EIF2AK3: variants seen among roughly 807,000 people sequenced by gnomAD.
The protein encoded by EIF2AK3 is eukaryotic translation initiation factor 2-alpha kinase 3.
Under a neutral mutation model 113.5 loss-of-function variants are expected in EIF2AK3, and 50 were observed. The observed-to-expected ratio is 0.44, with a 90% confidence interval of 0.35 to 0.56. The LOEUF (loss-of-function observed/expected upper bound fraction) is 0.56. Ranked by LOEUF, EIF2AK3 falls within the 20% of genes least tolerant of loss-of-function variation. EIF2AK3 has a pLI of 0.00. For missense variants in EIF2AK3, 1,185 were observed against 1,378.0 expected, an observed-to-expected ratio of 0.86 and a Z score of 2.22; for synonymous variants, 448 against 495.4, an observed-to-expected ratio of 0.90 and a Z score of 1.27.
Position 88,564,012 on chromosome 2 carries a change from C to T in EIF2AK3, c.2986-1622G>A, listed in dbSNP as rs1463523863. Among the ~76,000 whole-genome samples, 25 of 151,940 alleles carry T rather than the reference C, an allele frequency of 1.6e-4. No individual in the cohort carries two copies. In the East Asian group the frequency reaches 4.0e-3, roughly 25 times the overall value. On this transcript the variant is annotated intron_variant, in intron 14 of 16. Transcript: ENST00000303236. ...TACTAAATTTATTTATTGTTTCTAA[C>T]GTGATTAAACATATTTAAAAAAAGA...
At chr2:88,571,681 G>A (rs1674313679) in intron 13 of EIF2AK3, among the ~76,000 whole-genome samples, 1 of 152,162 alleles carries the variant, frequency 6.6e-6, no homozygotes, top group South Asian at 2.1e-4. Context: ...CTCTATGGTA[G>A]CTAATTACTA....
At chr2:88,559,434 A>G (rs1306802215) in intron 15 of EIF2AK3, among the ~76,000 whole-genome samples, 1 of 152,132 alleles carries the variant, frequency 6.6e-6, no homozygotes, top group East Asian at 1.9e-4. Context: ...ACCATTTTAT[A>G]TAAGGGACTT....
chr2:88,570,677 T>C (rs1345346119), intron 14 of EIF2AK3, among the ~76,000 whole-genome samples, 197 bp downstream of exon 14: 1 of 152,214 alleles, frequency 6.6e-6, no homozygotes, highest in East Asian at 1.9e-4. Context: ...GTATTTTTCT[T>C]AATCCAGCCC....
At chr2:88,608,097 G>T (rs547458199) in intron 2 of EIF2AK3, among the ~76,000 whole-genome samples, 4 of 151,952 alleles carry the variant, frequency 2.6e-5, no homozygotes, top group Non-Finnish European at 5.9e-5. Flanking sequence ...AAGTACATGG[G>T]ATCCATAATC....
Position 88,583,485 on chromosome 2 carries a change from C to T in EIF2AK3, c.1708G>A (p.Gly570Ser). The change falls in exon 10 of 17, where the codon GGT (glycine) becomes AGT (serine). Residue 570 changes from glycine to serine, a missense_variant. Gly to Ser is a moderately conservative substitution (Grantham distance 56, BLOSUM62 0). This residue lies in a region of EIF2AK3 where 877 missense variants were observed against 1,024.2 expected (regional missense o/e 0.86). Coordinates refer to ENST00000303236, the MANE Select transcript of EIF2AK3 (RefSeq NM_004836.7). ...QTENKYDSVS[G>S]EANDSSWNDI... ...TTCCAGCTACTGTCATTGGCTTCAC[C>T]ACTTACAGAATCATATTTATTTTCA... 1 of 1,613,248 alleles carries T rather than the reference C, an allele frequency of 6.2e-7. No individual in the cohort carries two copies. The highest frequency in any genetic ancestry group is 8.5e-7 in the Non-Finnish European group (1 of 1,179,694).
rs1558642909 is a variant in EIF2AK3 at position 88,562,170 on chromosome 2, T to C, written c.3087+119A>G. On this transcript the variant is annotated intron_variant, in intron 15 of 16. Transcript: ENST00000303236. ...CTCTGTGTTACTCACATCACCTCTT[T>C]CACTTTTAGTTAACCAATCTGCTGG... is the stretch of plus-strand genomic sequence containing the variant. 21 of 777,756 alleles carry C rather than the reference T, an allele frequency of 2.7e-5. No individual in the cohort carries two copies. In the East Asian group the frequency reaches 5.3e-4, roughly 20 times the overall value. The allele number at this position is 777,756 out of a possible 1,614,324, so 48.2% of individuals were successfully genotyped here. A position where few individuals can be genotyped will look rare whatever the true frequency, so the allele number is the denominator to read the frequency against.
rs907999005 is a variant in EIF2AK3, at chr2:88,574,651, T to TCCA, written c.2817+12_2817+14dup. The stretch of plus-strand genomic sequence containing the variant: ...CAGATTGAAACCCCAAGGGTGATGC[T>TCCA]CCACAAATACAGACCTTGAGGTCCC... On this transcript the variant is annotated intron_variant, in intron 13 of 16. Coordinates refer to ENST00000303236, the MANE Select transcript of EIF2AK3 (RefSeq NM_004836.7). The TCCA allele has an allele frequency of 5.0e-6, 8 of 1,613,760 alleles. No homozygotes were observed. Among genetic ancestry groups the TCCA allele is most frequent in the Non-Finnish European group, 8.5e-7 (1 of 1,179,868 alleles).
rs756319874 is a variant in EIF2AK3 at position 88,558,956 on chromosome 2, G to C, written c.3111C>G (p.Leu1037=). Residue 1037 remains leucine (L), a synonymous_variant, in exon 16 of 17, where the codon CTC becomes CTG. Transcript: ENST00000303236. The part of the protein sequence containing the change: ...RVRTLTDVRN[L]KFPPLFTQKY... The stretch of plus-strand genomic sequence containing the variant: ...TCTGAGTAAATAATGGTGGAAATTT[G>C]AGATTTCTTACATCAGTTAAGGTCT... 3.1e-6 allele frequency: 5 copies of C among 1,598,176 alleles called. No individual in the cohort carries two copies. The African/African-American group carries it at 6.7e-5, about 21-fold the overall frequency.
Position 88,606,303 on chromosome 2 carries a change from A to T in EIF2AK3, c.438+7421T>A, listed in dbSNP as rs532985596. On this transcript the variant is annotated intron_variant, in intron 2 of 16. Transcript: ENST00000303236. The stretch of plus-strand genomic sequence containing the variant: ...TGTACATGAAGAGTCAATTTCCTAA[A>T]AAAATAAAATAAAAAATAAAAAAAA... Among the ~76,000 whole-genome samples, 41 of 150,560 alleles carry T rather than the reference A, an allele frequency of 2.7e-4. No homozygotes were observed. The South Asian group carries it at 7.5e-3, about 27-fold the overall frequency.
Position 88,574,778 on chromosome 2 carries a change from CCATT to C in EIF2AK3, c.2701_2704del (p.Asn901AspfsTer5). Reference sequence around the variant, plus strand: ...CTCTCTCTCCTCTATGGTACATCGTCCATTCATCCAGTCTTTGAGGTTTTCTTTT... The same window carrying C: ...CTCTCTCTCCTCTATGGTACATCGTCCATCCAGTCTTTGAGGTTTTCTTTT... On this transcript the variant is annotated frameshift_variant, in exon 13 of 17. Coordinates refer to ENST00000303236, the MANE Select transcript of EIF2AK3 (RefSeq NM_004836.7). LOFTEE classifies it high-confidence loss of function. 1 of 1,614,196 alleles carries C rather than the reference CCATT, an allele frequency of 6.2e-7. No individual in the cohort carries two copies. Among genetic ancestry groups the C allele is most frequent in the Non-Finnish European group, 8.5e-7 (1 of 1,180,034 alleles).
chr2:88,567,213 C>CT (rs11376901), intron 14 of EIF2AK3, among the ~76,000 whole-genome samples: 36,405 of 147,876 alleles, frequency 0.25, 4,622 homozygotes, highest in Middle Eastern at 0.44. Flanking sequence ...CCTTTCTAAC[C>CT]TTTTTTTTTT....
intron 14 of EIF2AK3, among the ~76,000 whole-genome samples, chr2:88,567,459 C>G (rs577814529): frequency 6.6e-6 from 1 of 152,150 alleles, no homozygotes; most frequent in Non-Finnish European, 1.5e-5. Context: ...TCTTTATTTT[C>G]CATGTTCTTA....
intron 14 of EIF2AK3, among the ~76,000 whole-genome samples, chr2:88,569,183 G>A (rs1025733984): frequency 3.9e-5 from 6 of 152,016 alleles, no homozygotes; most frequent in Non-Finnish European, 7.4e-5. Flanking sequence ...GAGCCACTGC[G>A]ACTGGCCGAG....
At chr2:88,612,575 G>T (rs1213400284) in intron 2 of EIF2AK3, among the ~76,000 whole-genome samples, 1 of 152,134 alleles carries the variant, frequency 6.6e-6, no homozygotes, top group Non-Finnish European at 1.5e-5. Flanking sequence ...TCTACTCAGG[G>T]TTCAGCACAC....
intron 2 of EIF2AK3, among the ~76,000 whole-genome samples, chr2:88,606,281 A>G (rs1675272492): frequency 6.6e-6 from 1 of 151,350 alleles, no homozygotes; most frequent in African/African-American, 2.5e-5. Context: ...TAAACAATGT[A>G]CATGAAGAGT....
chr2:88,578,914 C>T (rs1324776223), intron 11 of EIF2AK3, among the ~76,000 whole-genome samples: 2 of 151,816 alleles, frequency 1.3e-5, no homozygotes, highest in Non-Finnish European at 2.9e-5. Context: ...AATTGTTTAA[C>T]AATAAGAAAT....
At chr2:88,557,982 C>G (rs1332661209) in intron 16 of EIF2AK3, 46 bp from the exon 17 acceptor site, 1 of 1,578,532 alleles carries the variant, frequency 6.3e-7, no homozygotes. Flanking sequence ...CAGGTTTGAT[C>G]ACTGTACAGT....
intron 15 of EIF2AK3, among the ~76,000 whole-genome samples, chr2:88,559,587 G>A (rs1184859916): frequency 6.6e-6 from 1 of 151,552 alleles, no homozygotes; most frequent in Admixed American, 6.6e-5. Context: ...TGTGGAGGGA[G>A]GGAGAAAGAG....
intron 14 of EIF2AK3, among the ~76,000 whole-genome samples, chr2:88,566,518 C>G (rs1284197262): frequency 1.3e-5 from 2 of 151,910 alleles, no homozygotes; most frequent in Admixed American, 1.3e-4. Context: ...TTTTTAAAAA[C>G]TCTTTTTTTT....
Sources: gnomAD v4.1 joint callset for allele counts (sites outside exome capture counted in the v4.1 genomes callset) on GRCh38, gnomAD v4.1.1 for gene constraint, gnomAD v4.1.1 regional missense constraint, MANE v1.5 for transcripts, NCBI Gene and HGNC (gene_info 2026-07-23, HGNC 2026-07-21) for gene names.